UBE2E2: variants seen among roughly 807,000 people sequenced by gnomAD.
UBE2E2 encodes the protein ubiquitin conjugating enzyme E2 E2.
Under a neutral mutation model 24.7 loss-of-function variants are expected in UBE2E2, and 6 were observed. The ratio of observed to expected loss-of-function variants is 0.24; its 90% confidence interval spans 0.13 to 0.48. The LOEUF is 0.48. Among genes scored for constraint, UBE2E2 ranks in the 20% least tolerant of loss-of-function variants. The pLI, the probability that UBE2E2 is intolerant of heterozygous loss-of-function variation, is 0.99. For synonymous variants in UBE2E2, 104 were observed against 83.6 expected, an observed-to-expected ratio of 1.24 and a Z score of -1.33; for missense variants, 169 against 245.0, an observed-to-expected ratio of 0.69 and a Z score of 2.07.
chr3:23,355,896 T>C (rs1423220733), intron 3 of UBE2E2, among the ~76,000 whole-genome samples: 1 of 152,244 alleles, frequency 6.6e-6, no homozygotes, highest in Non-Finnish European at 1.5e-5. Flanking sequence ...AGGAAAATTA[T>C]ATCTCTTACG....
At chr3:23,441,432 G>A (rs1221117181) in intron 3 of UBE2E2, among the ~76,000 whole-genome samples, 22 of 151,126 alleles carry the variant, frequency 1.5e-4, no homozygotes, top group Admixed American at 1.4e-3. Context: ...CCAGCTACTC[G>A]GGAGGCTGAG....
At position 23,583,850 on chromosome 3, in the gene UBE2E2, A is replaced by G. The variant is rs1696544586; in HGVS notation, c.509-5884A>G. Among the ~76,000 whole-genome samples, 1 of 152,178 alleles carries G rather than the reference A, an allele frequency of 6.6e-6. No homozygotes were observed. Among genetic ancestry groups the G allele is most frequent in the Admixed American group, 6.5e-5 (1 of 15,276 alleles). ...TGGGGTTTTCTAGGTATAGAATCAT[A>G]TCGTCTACAAACAGGGATAGTTTGA... On this transcript the variant is annotated intron_variant, in intron 5 of 5. Transcript: ENST00000396703. The surrounding 1 kb of genome is among the most constrained non-coding windows in gnomAD (Gnocchi z 4.1).
chr3:23,355,613 C>T (rs35990123), intron 3 of UBE2E2, among the ~76,000 whole-genome samples: 9,605 of 152,014 alleles, frequency 0.063, 464 homozygotes, highest in Non-Finnish European at 0.088. Flanking sequence ...AATACAGTTA[C>T]TTTTTTTTGT....
chr3:23,266,885 T>C (rs1374865936), intron 3 of UBE2E2, among the ~76,000 whole-genome samples: 1 of 152,256 alleles, frequency 6.6e-6, no homozygotes, highest in East Asian at 1.9e-4. Flanking sequence ...AAACTAGAAC[T>C]CAGGATTAAG....
chr3:23,246,144 A>G (rs1697390697), intron 3 of UBE2E2, among the ~76,000 whole-genome samples: 1 of 151,994 alleles, frequency 6.6e-6, no homozygotes, highest in South Asian at 2.1e-4. Flanking sequence ...TCCTGGGCTC[A>G]AGTGGGGCTC....
At chr3:23,387,992 A>C (rs897890361) in intron 3 of UBE2E2, among the ~76,000 whole-genome samples, 1 of 152,242 alleles carries the variant, frequency 6.6e-6, no homozygotes, top group Non-Finnish European at 1.5e-5. Context: ...AGGAATAGCC[A>C]TTAAAGAGGA....
At chr3:23,265,416 AGACTGGAGAGGT>A (rs1388094190) in intron 3 of UBE2E2, among the ~76,000 whole-genome samples, 4 of 152,184 alleles carry the variant, frequency 2.6e-5, no homozygotes, top group African/African-American at 9.6e-5. Flanking sequence ...ATGCATAACC[AGACTGGAGAGGT>A]GACTGGGACC....
chr3:23,476,617 G>T (rs1699144542), intron 3 of UBE2E2, among the ~76,000 whole-genome samples: 1 of 152,090 alleles, frequency 6.6e-6, no homozygotes, highest in African/African-American at 2.4e-5. Flanking sequence ...ATTGAGCCCA[G>T]ATCAAGGCTG....
chr3:23,518,505 T>C (rs967753008), intron 4 of UBE2E2, among the ~76,000 whole-genome samples: 2 of 152,248 alleles, frequency 1.3e-5, no homozygotes, highest in Non-Finnish European at 2.9e-5. Context: ...TGAAATGAGC[T>C]GTGAGCTAGT....
intron 3 of UBE2E2, among the ~76,000 whole-genome samples, chr3:23,494,694 T>C (rs752805157): frequency 6.6e-6 from 1 of 152,112 alleles, no homozygotes. Flanking sequence ...TAAAACCCAA[T>C]TTTTATATGA....
At chr3:23,309,783 G>A (rs774016182) in intron 3 of UBE2E2, among the ~76,000 whole-genome samples, 49 of 152,250 alleles carry the variant, frequency 3.2e-4, no homozygotes, top group Non-Finnish European at 6.2e-4. Context: ...GCTCAGTCAC[G>A]TTCCTGCCAG....
At chr3:23,540,076 T>G (rs1335967679) in intron 5 of UBE2E2, among the ~76,000 whole-genome samples, 3 of 152,142 alleles carry the variant, frequency 2.0e-5, no homozygotes, top group African/African-American at 7.2e-5. Context: ...TATTTATTTA[T>G]TTTTAGAGAT....
chr3:23,426,520 C>A (rs1270294744), intron 3 of UBE2E2, among the ~76,000 whole-genome samples: 1 of 151,586 alleles, frequency 6.6e-6, no homozygotes, highest in Non-Finnish European at 1.5e-5. Context: ...TGCAGGGAGA[C>A]CTGACTTAGA....
intron 3 of UBE2E2, among the ~76,000 whole-genome samples, chr3:23,426,455 A>C (rs1290309865): frequency 6.6e-6 from 1 of 151,066 alleles, no homozygotes; most frequent in Non-Finnish European, 1.5e-5. Context: ...GTCATATCAT[A>C]TTCAAATTAC....
At chr3:23,297,067 G>A (rs537077700) in intron 3 of UBE2E2, among the ~76,000 whole-genome samples, 9 of 152,300 alleles carry the variant, frequency 5.9e-5, no homozygotes, top group East Asian at 1.9e-4. Context: ...CGGTGATGAC[G>A]AGCACTTTTT....
intron 4 of UBE2E2, among the ~76,000 whole-genome samples, chr3:23,512,195 CT>C (rs5847236): frequency 0.33 from 44,248 of 135,750 alleles, 6,633 homozygotes; most frequent in Middle Eastern, 0.43. Flanking sequence ...GCCTGCCTGC[CT>C]TTTTTTTTTT....
At chr3:23,313,241 G>C (rs747089790) in intron 3 of UBE2E2, among the ~76,000 whole-genome samples, 1 of 151,986 alleles carries the variant, frequency 6.6e-6, no homozygotes, top group African/African-American at 2.4e-5. Flanking sequence ...TTTTTGTCTT[G>C]AAATCTGTTT....
intron 3 of UBE2E2, among the ~76,000 whole-genome samples, chr3:23,458,118 G>T (rs1393291442): frequency 1.3e-5 from 2 of 152,050 alleles, no homozygotes; most frequent in East Asian, 3.9e-4. Context: ...CTTCTTCATA[G>T]GCTTCATCAT....
At chr3:23,368,690 G>A (rs1696322970) in intron 3 of UBE2E2, among the ~76,000 whole-genome samples, 1 of 151,836 alleles carries the variant, frequency 6.6e-6, no homozygotes, top group Non-Finnish European at 1.5e-5. Flanking sequence ...TGCTTTTTTT[G>A]TTGAGAGGTA....
Sources: allele counts gnomAD v4.1 joint callset (sites outside exome capture counted in the v4.1 genomes callset), GRCh38; gene constraint gnomAD v4.1.1; non-coding constraint Gnocchi (gnomAD v3.1); transcripts MANE v1.5; gene names NCBI Gene and HGNC (gene_info 2026-07-23, HGNC 2026-07-21).